CCDC201: variants seen among roughly 807,000 people sequenced by gnomAD.
The protein encoded by CCDC201 is coiled-coil domain-containing protein 201.
upstream of CCDC201, among the ~76,000 whole-genome samples, chr7:45,873,445 G>A (rs1786764331): frequency 6.6e-6 from 1 of 151,472 alleles, no homozygotes; most frequent in Admixed American, 6.6e-5. Flanking sequence ...TGGACTACAA[G>A]GTATGTTTCT....
the CCDC201 span, among the ~76,000 whole-genome samples, chr7:45,878,362 T>A: frequency 6.6e-6 from 1 of 152,228 alleles, no homozygotes. Flanking sequence ...CACATTTCAC[T>A]TCCACACTGC....
At chr7:45,882,082 A>G in the CCDC201 span, among the ~76,000 whole-genome samples, 2 of 152,136 alleles carry the variant, frequency 1.3e-5, no homozygotes, top group African/African-American at 4.8e-5. Flanking sequence ...GTTAAAAACA[A>G]CTTCCTTTCT....
upstream of CCDC201, among the ~76,000 whole-genome samples, chr7:45,874,503 G>A (rs1204757723): frequency 6.6e-6 from 1 of 152,202 alleles, no homozygotes; most frequent in East Asian, 1.9e-4. Context: ...ACCTAAATGA[G>A]GAGGCACGGC....
At chr7:45,866,735 T>C (rs1021083940) in intron 1 of CCDC201, among the ~76,000 whole-genome samples, 4 of 152,160 alleles carry the variant, frequency 2.6e-5, no homozygotes, top group Admixed American at 6.5e-5. Flanking sequence ...GATGTAATTA[T>C]TGTCAAAACA....
chr7:45,877,759 G>A (rs1430728185), upstream of CCDC201, among the ~76,000 whole-genome samples: 1 of 152,144 alleles, frequency 6.6e-6, no homozygotes, highest in Non-Finnish European at 1.5e-5. Context: ...GGGACACAGA[G>A]CCAAACCGTG....
At chr7:45,880,028 G>T in the CCDC201 span, among the ~76,000 whole-genome samples, 2 of 152,198 alleles carry the variant, frequency 1.3e-5, no homozygotes, top group Non-Finnish European at 2.9e-5. Flanking sequence ...GGAGTTTGCA[G>T]TGAGTTGAGA....
In CCDC201 at chr7:45,863,096, C is replaced by T. The variant is rs186265976; in HGVS notation, c.553G>A (p.Glu185Lys). 10 of 152,312 alleles carry T rather than the reference C, an allele frequency of 6.6e-5. No individual in the cohort carries two copies. The East Asian group carries it at 1.7e-3, about 27-fold the overall frequency. 9.4% of individuals were successfully genotyped at this position (152,312 alleles called of 1,614,324 possible). A position where few individuals can be genotyped will look rare whatever the true frequency, so the allele number is the denominator to read the frequency against. ...CTGGCACCAAGCACTCAGTCATCTTCGATGGTGAGCTCATGCTGGGTGGCT... is the reference window on the plus strand; with the variant it reads ...CTGGCACCAAGCACTCAGTCATCTTTGATGGTGAGCTCATGCTGGGTGGCT... Residue 185 changes from glutamate to lysine, a missense_variant, in exon 3 of 3, where the codon GAA becomes AAA. Physicochemically the swap from Glu to Lys is moderately conservative, Grantham distance 56. Transcript: ENST00000636578.
chr7:45,883,450 G>A, the CCDC201 span, among the ~76,000 whole-genome samples: 1 of 152,054 alleles, frequency 6.6e-6, no homozygotes, highest in Non-Finnish European at 1.5e-5. Context: ...GATGGAGAAG[G>A]GGTCATAGGA....
At chr7:45,873,340 C>T (rs773364488), upstream of CCDC201, among the ~76,000 whole-genome samples, 173 of 135,930 alleles carry the variant, frequency 1.3e-3, no homozygotes, top group Non-Finnish European at 1.5e-3. Context: ...TAACCACCTA[C>T]GGGAAAGGAG....
the CCDC201 span, among the ~76,000 whole-genome samples, chr7:45,882,637 A>G: frequency 6.6e-6 from 1 of 152,222 alleles, no homozygotes; most frequent in East Asian, 1.9e-4. Flanking sequence ...TTGCTGGCAG[A>G]GGCCGTGTGT....
chr7:45,871,370 A>G (rs1203626007), intron 1 of CCDC201, among the ~76,000 whole-genome samples: 1 of 143,434 alleles, frequency 7.0e-6, no homozygotes, highest in African/African-American at 2.5e-5. Context: ...TTCATAAATT[A>G]CCAGAAAAAA....
At chr7:45,875,233 G>A (rs898354799), upstream of CCDC201, among the ~76,000 whole-genome samples, 48 of 152,188 alleles carry the variant, frequency 3.2e-4, no homozygotes, top group African/African-American at 8.9e-4. Flanking sequence ...AGTGGCTCAC[G>A]CCTGTAATCC....
chr7:45,865,107 G>A (rs1041939804), intron 2 of CCDC201, among the ~76,000 whole-genome samples: 4 of 152,086 alleles, frequency 2.6e-5, no homozygotes, highest in African/African-American at 4.8e-5. Context: ...ACTGCTGGCC[G>A]GAAAAGTGCC....
intron 1 of CCDC201, among the ~76,000 whole-genome samples, chr7:45,867,920 A>G (rs1277332857): frequency 1.3e-5 from 2 of 152,288 alleles, no homozygotes; most frequent in East Asian, 3.8e-4. Flanking sequence ...ACAAAGAGAT[A>G]GATGAGCACT....
exon 3 of CCDC201, chr7:45,862,607 G>A (rs1786617574): frequency 6.6e-6 from 1 of 152,286 alleles, no homozygotes; most frequent in African/African-American, 2.4e-5. Context: ...TCCAGTTCCT[G>A]CTTCAGGCCT....
At chr7:45,878,122 A>G in the CCDC201 span, among the ~76,000 whole-genome samples, 2 of 152,194 alleles carry the variant, frequency 1.3e-5, no homozygotes, top group South Asian at 4.1e-4. Flanking sequence ...GGCCACAGTG[A>G]TGCAAGGGGT....
At chr7:45,877,323 G>A (rs1786822684), upstream of CCDC201, among the ~76,000 whole-genome samples, 2 of 152,160 alleles carry the variant, frequency 1.3e-5, no homozygotes, top group Non-Finnish European at 2.9e-5. Context: ...TACACAACCA[G>A]TGTGCTCTAG....
chr7:45,864,396 C>T (rs978948816), intron 2 of CCDC201, among the ~76,000 whole-genome samples: 1 of 152,360 alleles, frequency 6.6e-6, no homozygotes, highest in Non-Finnish European at 1.5e-5. Flanking sequence ...CCAGAATACC[C>T]CAGCCAGTCC....
At chr7:45,863,846 A>G (rs1786632257) in intron 2 of CCDC201, among the ~76,000 whole-genome samples, 1 of 152,148 alleles carries the variant, frequency 6.6e-6, no homozygotes, top group Non-Finnish European at 1.5e-5. Context: ...ACTGAGAATA[A>G]GGAACGAGAG....
Sources: gnomAD v4.1 joint callset for allele counts (sites outside exome capture counted in the v4.1 genomes callset) on GRCh38, gnomAD v4.1.1 for gene constraint, MANE v1.5 for transcripts, NCBI Gene and HGNC (gene_info 2026-07-23, HGNC 2026-07-21) for gene names.